The following STXBP5L variants were observed in gnomAD, a reference collection of about 807,000 sequenced individuals.
The protein encoded by STXBP5L is syntaxin-binding protein 5-like.
In STXBP5L, 65 loss-of-function variants were observed where a neutral mutation model predicts 144.5. The ratio of observed to expected loss-of-function variants is 0.45; its 90% confidence interval spans 0.37 to 0.55. STXBP5L has a LOEUF of 0.55. Among genes scored for constraint, STXBP5L ranks in the 20% least tolerant of loss-of-function variants. The probability of loss-of-function intolerance (pLI) is 0.00; values close to 1 mark genes in which losing one functional copy is unlikely to be tolerated. For missense variants in STXBP5L, 1,298 were observed against 1,405.5 expected, an observed-to-expected ratio of 0.92 and a Z score of 1.22; for synonymous variants, 505 against 469.6, an observed-to-expected ratio of 1.08 and a Z score of -0.97.
chr3:121,004,450 G>A (rs1171783416), intron 3 of STXBP5L, among the ~76,000 whole-genome samples: 2 of 151,688 alleles, frequency 1.3e-5, no homozygotes, highest in Non-Finnish European at 2.9e-5. Context: ...GAGATTTGGG[G>A]CTGAGACAAT....
chr3:121,348,757 G>A (rs1332270220), intron 20 of STXBP5L, among the ~76,000 whole-genome samples: 1 of 151,858 alleles, frequency 6.6e-6, no homozygotes, highest in Non-Finnish European at 1.5e-5. Flanking sequence ...AGGTGTTTAT[G>A]GTATTCTCTG....
At chr3:121,109,565 G>C (rs538235598) in intron 5 of STXBP5L, among the ~76,000 whole-genome samples, 2 of 152,178 alleles carry the variant, frequency 1.3e-5, no homozygotes, top group East Asian at 3.9e-4. Context: ...GTTCTAATTT[G>C]ATTGCTCTAT....
At chr3:121,379,142 C>A (rs145020455) in intron 21 of STXBP5L, among the ~76,000 whole-genome samples, 1 of 152,166 alleles carries the variant, frequency 6.6e-6, no homozygotes, top group African/African-American at 2.4e-5. Context: ...GAGACCTATG[C>A]CTAAATCTGT....
chr3:121,319,365 G>A (rs75482570), intron 20 of STXBP5L, among the ~76,000 whole-genome samples: 18 of 152,102 alleles, frequency 1.2e-4, no homozygotes, highest in East Asian at 9.6e-4. Flanking sequence ...ATAAAGCAAC[G>A]AATTTGGACT....
chr3:121,112,891 A>G (rs141564195), intron 5 of STXBP5L, among the ~76,000 whole-genome samples: 230 of 152,312 alleles, frequency 1.5e-3, no homozygotes, highest in Non-Finnish European at 2.7e-3. Flanking sequence ...AGAGCTAGCA[A>G]ATATACAGCA....
chr3:121,324,519 G>A, intron 20 of STXBP5L: 2 of 699,202 alleles, frequency 2.9e-6, no homozygotes, highest in Non-Finnish European at 2.6e-6. Context: ...CCCTGAGTCA[G>A]CACTAGGCTT....
In STXBP5L at chr3:121,257,425, C is replaced by T. The variant is rs1268329895; in HGVS notation, c.1832+92C>T. The T allele has an allele frequency of 1.2e-5, 15 of 1,218,898 alleles. No individual in the cohort carries two copies. The East Asian group carries it at 3.7e-4, about 30-fold the overall frequency. The allele number at this position is 1,218,898 out of a possible 1,614,324, so 75.5% of individuals were successfully genotyped here. The stretch of plus-strand genomic sequence containing the variant: ...AATGAAATTAATTTTCTCTTATTAT[C>T]AAGCTATTGTCAGGTGATCTACAAT... On this transcript the variant is annotated intron_variant, in intron 17 of 26. Transcript: ENST00000471454.
At chr3:121,276,647 T>G (rs1347974523) in intron 18 of STXBP5L, among the ~76,000 whole-genome samples, 2 of 151,952 alleles carry the variant, frequency 1.3e-5, no homozygotes, top group Non-Finnish European at 2.9e-5. Flanking sequence ...TTTTTATTTC[T>G]TACTGCAAAG....
intron 11 of STXBP5L, among the ~76,000 whole-genome samples, chr3:121,226,049 G>A (rs191843778): frequency 2.6e-5 from 4 of 152,248 alleles, no homozygotes; most frequent in East Asian, 1.9e-4. Flanking sequence ...TATTGTTGCC[G>A]TGCCTCAAAG....
intron 9 of STXBP5L, among the ~76,000 whole-genome samples, chr3:121,169,852 G>T (rs915800571): frequency 3.3e-5 from 5 of 152,120 alleles, no homozygotes; most frequent in African/African-American, 7.2e-5. Flanking sequence ...AGACTTAATA[G>T]ACATCTACAG....
At chr3:121,064,353 G>A (rs2041439312) in intron 5 of STXBP5L, among the ~76,000 whole-genome samples, 1 of 152,204 alleles carries the variant, frequency 6.6e-6, no homozygotes. Context: ...AGTTCAAAAT[G>A]CAGAAATGAC....
intron 19 of STXBP5L, among the ~76,000 whole-genome samples, 191 bp from the exon 20 acceptor site, chr3:121,318,284 C>G (rs28759116): frequency 6.6e-6 from 1 of 151,234 alleles, no homozygotes; most frequent in African/African-American, 2.4e-5. Context: ...ATAGTGAGAC[C>G]CTGTCTCTAT....
rs780200029 is a variant in STXBP5L, at chr3:121,407,484, T to C, written c.2829T>C (p.Thr943=). 5.6e-6 allele frequency: 9 copies of C among 1,613,286 alleles called. No individual in the cohort carries two copies. ...QAKVFSLPSQ[T]CLYVHNITET... ...AAGTCTTCTCACTGCCTTCTCAGAC[T>C]TGCCTTTATGTTCATAACATCACGG... The change falls in exon 23 of 27, where the codon ACT becomes ACC. Residue 943 remains threonine, a synonymous_variant. Coordinates refer to ENST00000471454, the MANE Select transcript of STXBP5L (RefSeq NM_001308330.2).
At chr3:121,159,806 G>A (rs1429703478) in intron 9 of STXBP5L, among the ~76,000 whole-genome samples, 1 of 148,852 alleles carries the variant, frequency 6.7e-6, no homozygotes, top group East Asian at 2.0e-4. Flanking sequence ...ATTTTTTTTT[G>A]TATTTTTAGT....
intron 14 of STXBP5L, among the ~76,000 whole-genome samples, chr3:121,246,821 A>C (rs1284991762): frequency 6.6e-6 from 1 of 152,366 alleles, no homozygotes; most frequent in East Asian, 1.9e-4. Context: ...TGCATAATGC[A>C]GACACAAAAT....
intron 20 of STXBP5L, among the ~76,000 whole-genome samples, chr3:121,336,977 A>C (rs1158101232): frequency 6.6e-6 from 1 of 152,206 alleles, no homozygotes; most frequent in Non-Finnish European, 1.5e-5. Flanking sequence ...GGAGGCCATC[A>C]TCCTTAGCAA....
At chr3:120,985,392 A>T (rs184695677) in intron 3 of STXBP5L, among the ~76,000 whole-genome samples, 10 of 152,196 alleles carry the variant, frequency 6.6e-5, no homozygotes, top group Admixed American at 5.2e-4. Flanking sequence ...TACTTAACAT[A>T]TCCAGCACCT....
chr3:121,381,255 T>G (rs1205772296), intron 21 of STXBP5L, 38 bp from the exon 22 acceptor site: 1 of 1,502,942 alleles, frequency 6.7e-7, no homozygotes, highest in African/African-American at 1.6e-5. Flanking sequence ...GGAAATATAC[T>G]AACAATTTGT....
chr3:121,062,535 T>A (rs1438164335), intron 5 of STXBP5L, among the ~76,000 whole-genome samples: 1 of 152,384 alleles, frequency 6.6e-6, no homozygotes, highest in East Asian at 1.9e-4. Flanking sequence ...TTCCTGAATT[T>A]GAATGTTGGC....
Sources: allele counts gnomAD v4.1 joint callset (sites outside exome capture counted in the v4.1 genomes callset), GRCh38; gene constraint gnomAD v4.1.1; transcripts MANE v1.5; gene names NCBI Gene and HGNC (gene_info 2026-07-23, HGNC 2026-07-21).